The following COL15A1 variants were observed in gnomAD, a reference collection of about 807,000 sequenced individuals.
COL15A1 encodes collagen type XV alpha 1 chain.
A neutral mutation model predicts 165.9 loss-of-function variants in COL15A1; 111 were observed. That is an observed-to-expected ratio of 0.67 (90% confidence interval 0.57 to 0.78). The LOEUF (loss-of-function observed/expected upper bound fraction) is 0.78. Ranked by LOEUF, COL15A1 falls within the 30% of genes least tolerant of loss-of-function variation. The pLI is 0.00. For synonymous variants in COL15A1, 659 were observed against 674.8 expected (o/e 0.98, Z 0.36); for missense variants, 1,745 against 1,789.7 (o/e 0.98, Z 0.45).
Position 99,020,416 on chromosome 9 carries a change from G to A in COL15A1, c.1675G>A (p.Gly559Arg). The A allele has an allele frequency of 6.2e-7, 1 of 1,613,624 alleles. No individual in the cohort carries two copies. Among genetic ancestry groups the A allele is most frequent in the Non-Finnish European group, 8.5e-7 (1 of 1,179,526 alleles). ...TCAAAGAGAACATGTGGGAATGAAA[G>A]GACAGGCTGGGCCCAAAGGAGAAAA... ...PAQREHVGMK[G>R]QAGPKGEKGD... Residue 559 changes from glycine to arginine, a missense_variant, in exon 12 of 42, where the codon GGA becomes AGA. Coordinates refer to ENST00000375001, the MANE Select transcript of COL15A1 (RefSeq NM_001855.5).
chr9:99,042,493 GTGCTTTGTCTAACCACC>G (rs1173188815), intron 24 of COL15A1, among the ~76,000 whole-genome samples: 1 of 150,328 alleles, frequency 6.7e-6, no homozygotes, highest in Non-Finnish European at 1.5e-5. Context: ...CACACACACT[GTGCTTTGTCTAACCACC>G]TGCTGGGCAT....
rs200458089 is a variant in COL15A1 at position 98,944,012 on chromosome 9, C to A, written c.-50C>A. The A allele has an allele frequency of 7.1e-5, 115 of 1,612,208 alleles. No individual in the cohort carries two copies. Among genetic ancestry groups the A allele is most frequent in the Non-Finnish European group, 9.5e-5 (112 of 1,178,950 alleles). ...CCCTTCGTCCTCCGCTAAGCTCCAA[C>A]GCTCTGCTCGACTAGCCGCGCGCCT... On this transcript the variant is annotated 5_prime_UTR_variant, in exon 1 of 42. Transcript: ENST00000375001.
At chr9:99,001,930 G>A (rs4743307) in intron 7 of COL15A1, among the ~76,000 whole-genome samples, 28,127 of 152,010 alleles carry the variant, frequency 0.19, 2,784 homozygotes, top group East Asian at 0.27. Context: ...ACTTCTGCCC[G>A]GGCTTCCACC....
Position 99,034,550 on chromosome 9 carries a change from G to T in COL15A1, c.2045G>T (p.Gly682Val). 6.5e-7 allele frequency: 1 copy of T among 1,533,212 alleles called. No individual in the cohort carries two copies. Among genetic ancestry groups the T allele is most frequent in the Non-Finnish European group, 8.7e-7 (1 of 1,145,314 alleles). The allele number at this position is 1,533,212 out of a possible 1,614,324, so 95.0% of individuals were successfully genotyped here. A position where few individuals can be genotyped will look rare whatever the true frequency, so the allele number is the denominator to read the frequency against. Residue 682 changes from glycine (G) to valine (V), a missense_variant and splice_region_variant, in exon 17 of 42, where the codon GGA becomes GTA. Transcript: ENST00000375001. ...TGLPGMKGEK[G>V]ARGPNGSVGE... ...TGTTTTTGTTTTTGTTTTTTTCAGG[G>T]AGCAAGAGGGCCTAATGGCTCAGTT...
intron 11 of COL15A1, among the ~76,000 whole-genome samples, chr9:99,018,678 G>A (rs1446183926): frequency 6.6e-6 from 1 of 152,228 alleles, no homozygotes; most frequent in Non-Finnish European, 1.5e-5. Context: ...GGAACATTAT[G>A]TAGCTAATAA....
chr9:98,952,444 T>A (rs1837703772), intron 2 of COL15A1, among the ~76,000 whole-genome samples: 1 of 152,230 alleles, frequency 6.6e-6, no homozygotes. Flanking sequence ...ATTGCCTCAG[T>A]TTGTCAAAAG....
At chr9:99,023,525 C>T in intron 14 of COL15A1, 76 bp downstream of exon 14, 1 of 731,368 alleles carries the variant, frequency 1.4e-6, no homozygotes, top group East Asian at 2.5e-5. Flanking sequence ...ACGTGGGGGC[C>T]AGGGACAGAT....
At chr9:99,020,666 C>G (rs1219383829) in intron 12 of COL15A1, among the ~76,000 whole-genome samples, 3 of 152,238 alleles carry the variant, frequency 2.0e-5, no homozygotes, top group Non-Finnish European at 2.9e-5. Context: ...GGCCAAGTCC[C>G]TTGACCTCCG....
chr9:99,003,544 C>T lies in COL15A1; in HGVS notation c.1157C>T (p.Thr386Ile), dbSNP rs774158024. 6.4e-6 allele frequency: 10 copies of T among 1,565,538 alleles called. No homozygotes were observed. The highest frequency in any genetic ancestry group is 8.7e-6 in the Non-Finnish European group (10 of 1,154,874). Residue 386 changes from threonine to isoleucine, a missense_variant, in exon 8 of 42, where the codon ACC (threonine) becomes ATC (isoleucine). Coordinates refer to ENST00000375001, the MANE Select transcript of COL15A1 (RefSeq NM_001855.5). ...AGCAGTGTGCCCACCGGGGGACCAA[C>T]CCTCTCTATGTCCACGGAGAACCCA... ...EASSVPTGGPTLSMSTENPEE... is the reference protein window; with the variant it reads ...EASSVPTGGPILSMSTENPEE...
At chr9:98,954,359 T>G (rs1680318926) in intron 2 of COL15A1, among the ~76,000 whole-genome samples, 1 of 152,242 alleles carries the variant, frequency 6.6e-6, no homozygotes, top group Admixed American at 6.5e-5. Context: ...GGACTGTGTT[T>G]CAAGTTTATT....
intron 40 of COL15A1, among the ~76,000 whole-genome samples, chr9:99,067,542 G>T (rs1425602514): frequency 6.6e-6 from 1 of 152,216 alleles, no homozygotes; most frequent in South Asian, 2.1e-4. Flanking sequence ...GGCCTTGTAG[G>T]ATCCCTCGAT....
Position 99,015,987 on chromosome 9 carries a change from T to G in COL15A1, c.1515T>G (p.Asp505Glu), listed in dbSNP as rs772409217. The change falls in exon 11 of 42, where the codon GAT (aspartate) becomes GAG (glutamate). Residue 505 changes from aspartate (D) to glutamate (E), a missense_variant. Physicochemically the swap from Asp to Glu is conservative, Grantham distance 45 (BLOSUM62 2). Transcript: ENST00000375001. ...GGTTTTGTTTTCAGGGTCCTGGTGA[T>G]GAAGAAGACTTGGCAGCAGCCACAA... ...PERAVTSGPG[D>E]EEDLAAATTE... 6.2e-7 allele frequency: 1 copy of G among 1,613,664 alleles called. No individual in the cohort carries two copies. The highest frequency in any genetic ancestry group is 1.1e-5 in the South Asian group (1 of 91,018).
At chr9:99,044,496 T>C in intron 24 of COL15A1, 72 bp from the exon 25 acceptor site, 1 of 1,390,032 alleles carries the variant, frequency 7.2e-7, no homozygotes. Flanking sequence ...AGGAGGAGTC[T>C]CTGTACAAAA....
At chr9:99,019,608 G>A (rs1838994239) in intron 11 of COL15A1, among the ~76,000 whole-genome samples, 1 of 151,278 alleles carries the variant, frequency 6.6e-6, no homozygotes, top group East Asian at 2.0e-4. Context: ...CTCTAGGTCA[G>A]TTTGAATCTC....
chr9:99,066,780 C>A lies in COL15A1; in HGVS notation c.3652-102C>A, dbSNP rs988715999. The A allele has an allele frequency of 6.4e-5, 70 of 1,095,910 alleles. No individual in the cohort carries two copies. In the East Asian group the frequency reaches 1.6e-3, roughly 24 times the overall value. 67.9% of individuals were successfully genotyped at this position (1,095,910 alleles called of 1,614,324 possible). A position where few individuals can be genotyped will look rare whatever the true frequency, so the allele number is the denominator to read the frequency against. Reference sequence around the variant, plus strand: ...AATAAAATGACCTCCAACGTGCCTTCCAGCCTAAGAAGTCTGGAATCTTTG... The same window carrying A: ...AATAAAATGACCTCCAACGTGCCTTACAGCCTAAGAAGTCTGGAATCTTTG... On this transcript the variant is annotated intron_variant, in intron 39 of 41. Transcript: ENST00000375001.
Position 98,976,921 on chromosome 9 carries a change from T to C in COL15A1, c.101-8644T>C, listed in dbSNP as rs539080594. 2.0e-5 allele frequency among the ~76,000 whole-genome samples: 3 copies of C among 152,116 alleles called. No homozygotes were observed. In the East Asian group the frequency reaches 5.8e-4, roughly 29 times the overall value. On this transcript the variant is annotated intron_variant, in intron 2 of 41. Transcript: ENST00000375001. ...CATGGAGGAGGTGATGACATTGAAG[T>C]TGGGCCCTGAGATGTGTGGAGCAGT...
At chr9:98,988,825 C>T (rs3780623) in intron 4 of COL15A1, among the ~76,000 whole-genome samples, 1 of 151,668 alleles carries the variant, frequency 6.6e-6, no homozygotes, top group South Asian at 2.1e-4. Context: ...CGTGAGGCTG[C>T]GGCAGGAGAA....
chr9:98,972,714 A>G (rs1838080576), intron 2 of COL15A1, among the ~76,000 whole-genome samples: 1 of 152,118 alleles, frequency 6.6e-6, no homozygotes, highest in Admixed American at 6.5e-5. Flanking sequence ...CCGAGAGATG[A>G]GTTGGCATGG....
intron 2 of COL15A1, among the ~76,000 whole-genome samples, chr9:98,961,653 G>C (rs77272409): frequency 2.0e-5 from 3 of 152,246 alleles, no homozygotes; most frequent in African/African-American, 7.2e-5. Flanking sequence ...GCCTGGCCCT[G>C]GGGGAGCATC....
Sources: gnomAD v4.1 joint callset for allele counts (sites outside exome capture counted in the v4.1 genomes callset) on GRCh38, gnomAD v4.1.1 for gene constraint, MANE v1.5 for transcripts, NCBI Gene and HGNC (gene_info 2026-07-23, HGNC 2026-07-21) for gene names.